Variants in NF1 observed in about 807,000 individuals in gnomAD.
NF1 encodes neurofibromin 1.
In NF1, 122 loss-of-function variants were observed where a neutral mutation model predicts 325.7. The observed-to-expected ratio is 0.37, with a 90% CI of 0.32 to 0.44. The LOEUF is 0.44. NF1 is among the 20% of genes least tolerant of loss of function. NF1 has a pLI of 1.00. For missense variants in NF1, 2,140 were observed against 3,415.4 expected (o/e 0.63, Z 9.31); for synonymous variants, 1,091 against 1,186.0 (o/e 0.92, Z 1.65).
intron 36 of NF1, chr17:31,320,264 A>C: frequency 1.3e-6 from 1 of 785,034 alleles, no homozygotes; most frequent in East Asian, 2.8e-5. Context: ...CCTGAGATTT[A>C]CTAAATGAAA....
intron 21 of NF1, 141 bp from the exon 22 acceptor site, chr17:31,229,694 G>C: frequency 1.8e-6 from 2 of 1,116,910 alleles, no homozygotes; most frequent in Non-Finnish European, 2.7e-6. Flanking sequence ...ACGAGTGTCT[G>C]CGTATATCTG....
At chr17:31,214,624 CTAAGT>C in intron 13 of NF1, 39 bp downstream of exon 13, 1 of 1,603,296 alleles carries the variant, frequency 6.2e-7, no homozygotes, top group Non-Finnish European at 8.5e-7. Flanking sequence ...AATTATCACA[CTAAGT>C]TAATTGGGTT....
intron 57 of NF1, among the ~76,000 whole-genome samples, chr17:31,372,497 CT>C (rs999881210): frequency 3.3e-5 from 5 of 152,198 alleles, no homozygotes; most frequent in Middle Eastern, 3.4e-3. Context: ...GCTTAGTGAA[CT>C]TTTAAAATGT....
At chr17:31,287,556 G>GTA (rs2068255967) in intron 36 of NF1, among the ~76,000 whole-genome samples, 2 of 151,346 alleles carry the variant, frequency 1.3e-5, no homozygotes, top group Non-Finnish European at 2.9e-5. Context: ...GTGTGTGTGT[G>GTA]TGTGTGTGTG....
Position 31,182,584 on chromosome 17 carries a change from A to G in NF1, c.807A>G (p.Leu269=), listed in dbSNP as rs1333394353. The G allele has an allele frequency of 1.2e-6, 2 of 1,614,076 alleles. No individual in the cohort carries two copies. The highest frequency in any genetic ancestry group is 4.5e-5 in the East Asian group (2 of 44,870). The change falls in exon 8 of 58, where the codon CTA becomes CTG. Residue 269 remains leucine (L), a synonymous_variant. Transcript: ENST00000358273. ...AACGTAAAGCAGCAGTTTGGCCACT[A>G]CAAATCATTCTCCTTATCTTGTGTC... ...STKRKAAVWP[L]QIILLILCPE...
At chr17:31,352,494 T>C (rs1368980058) in intron 51 of NF1, 80 bp downstream of exon 51, 1 of 1,358,922 alleles carries the variant, frequency 7.4e-7, no homozygotes, top group Non-Finnish European at 9.9e-7. Context: ...TTATTTGAAA[T>C]TTCAGGATTA....
intron 29 of NF1, among the ~76,000 whole-genome samples, chr17:31,244,689 G>A (rs1476141927): frequency 6.6e-6 from 1 of 152,208 alleles, no homozygotes; most frequent in African/African-American, 2.4e-5. Flanking sequence ...GCCAGGAGGT[G>A]AAGGAAGGGT....
At chr17:31,230,749 T>G (rs2067099254) in intron 23 of NF1, 93 bp from the exon 24 acceptor site, 2 of 979,780 alleles carry the variant, frequency 2.0e-6, no homozygotes, top group Non-Finnish European at 3.2e-6. Flanking sequence ...TCTGGCAAAT[T>G]ATTTGCACTA....
chr17:31,095,515 T>G (rs2143149959), intron 1 of NF1, 146 bp downstream of exon 1: 10 of 319,524 alleles, frequency 3.1e-5, no homozygotes, highest in Non-Finnish European at 5.3e-5. Context: ...GAAGGGGGGA[T>G]AAGTGGGGGT....
intron 5 of NF1, among the ~76,000 whole-genome samples, chr17:31,171,616 T>A (rs1477634742): frequency 6.6e-6 from 1 of 152,178 alleles, no homozygotes; most frequent in African/African-American, 2.4e-5. Context: ...GAAGTAACTT[T>A]CCCATCGAAT....
At chr17:31,216,551 A>G (rs756144422) in intron 13 of NF1, among the ~76,000 whole-genome samples, 2 of 152,118 alleles carry the variant, frequency 1.3e-5, no homozygotes, top group Non-Finnish European at 2.9e-5. Flanking sequence ...TCAATTTCTC[A>G]AGCCTCCTAA....
chr17:31,238,970 A>T (rs1272691503), intron 29 of NF1, among the ~76,000 whole-genome samples: 1 of 152,210 alleles, frequency 6.6e-6, no homozygotes, highest in Non-Finnish European at 1.5e-5. Flanking sequence ...AATGCCTCAC[A>T]CTAAAGTCCA....
intron 1 of NF1, among the ~76,000 whole-genome samples, chr17:31,105,129 G>C (rs532894912): frequency 1.6e-4 from 24 of 152,160 alleles, no homozygotes; most frequent in African/African-American, 5.8e-4. Context: ...CAAACTCTTG[G>C]CCTCAAGCAG....
intron 57 of NF1, among the ~76,000 whole-genome samples, 166 bp from the exon 58 acceptor site, chr17:31,373,847 A>G (rs1567634354): frequency 1.3e-5 from 2 of 152,218 alleles, no homozygotes; most frequent in Admixed American, 6.5e-5. Context: ...GTAGTAGGCT[A>G]TGCTATCTAA....
chr17:31,146,011 T>C (rs1916559374), intron 1 of NF1, among the ~76,000 whole-genome samples: 1 of 152,222 alleles, frequency 6.6e-6, no homozygotes, highest in Admixed American at 6.5e-5. Flanking sequence ...GGTTTGGTAG[T>C]TGTTCTAGTT....
At chr17:31,180,320 T>C (rs1310708922) in intron 5 of NF1, among the ~76,000 whole-genome samples, 2 of 152,224 alleles carry the variant, frequency 1.3e-5, no homozygotes, top group African/African-American at 4.8e-5. Context: ...ATATCCCTGA[T>C]GAACATCGAT....
At chr17:31,237,967 A>C (rs1440375272) in intron 29 of NF1, among the ~76,000 whole-genome samples, 1 of 152,162 alleles carries the variant, frequency 6.6e-6, no homozygotes, top group Non-Finnish European at 1.5e-5. Context: ...AAAAGCTAAA[A>C]AACTGAAAAT....
intron 29 of NF1, among the ~76,000 whole-genome samples, chr17:31,243,213 T>TGTGTGTGTGTGTGTGTGTGTG (rs57229549): frequency 5.5e-4 from 83 of 150,786 alleles, no homozygotes; most frequent in South Asian, 8.3e-4. Context: ...TGTGTGTGTG[T>TGTGTGTGTGTGTGTGTGTGTG]TGAGCTGCCT....
intron 1 of NF1, among the ~76,000 whole-genome samples, chr17:31,147,539 C>G (rs930751646): frequency 4.7e-4 from 71 of 151,668 alleles, no homozygotes; most frequent in Non-Finnish European, 1.3e-4. Flanking sequence ...AACATATATA[C>G]ATTTCTGTTG....
Sources: allele counts gnomAD v4.1 joint callset (sites outside exome capture counted in the v4.1 genomes callset), GRCh38; gene constraint gnomAD v4.1.1; transcripts MANE v1.5; gene names NCBI Gene and HGNC (gene_info 2026-07-23, HGNC 2026-07-21).